The following HAVCR1 variants were observed in gnomAD, a reference collection of about 807,000 sequenced individuals.
HAVCR1 encodes T cell immunoglobin domain and mucin domain protein 1.
In HAVCR1, 34 loss-of-function variants were observed where a neutral mutation model predicts 32.0. The observed-to-expected ratio is 1.06, with a 90% CI of 0.81 to 1.42. The LOEUF (loss-of-function observed/expected upper bound fraction) is 1.42. Among genes scored for constraint, HAVCR1 ranks in the 40% most tolerant of loss-of-function variants. The probability of loss-of-function intolerance (pLI) is 0.00; values close to 1 mark genes in which losing one functional copy is unlikely to be tolerated. For missense variants in HAVCR1, 420 were observed against 442.3 expected (o/e 0.95, Z 0.45); for synonymous variants, 178 against 170.3 (o/e 1.05, Z -0.35).
At chr5:157,030,021 A>G (rs1754080167) in intron 8 of HAVCR1, among the ~76,000 whole-genome samples, 180 bp from the exon 9 acceptor site, 1 of 152,166 alleles carries the variant, frequency 6.6e-6, no homozygotes, top group Non-Finnish European at 1.5e-5. Context: ...TGTGGCTCTT[A>G]TTATTAAGTT....
Position 157,044,435 on chromosome 5 carries a change from G to GA in HAVCR1, c.782-1754dup, listed in dbSNP as rs1182916217. ...AAGGAAGGAAGGAGAAAGAAAGAAAGAAAGAAAGAAAGAAAGAAAGAAAGA... is the reference window on the plus strand; with the variant it reads ...AAGGAAGGAAGGAGAAAGAAAGAAAGAAAAGAAAGAAAGAAAGAAAGAAAGA... On this transcript the variant is annotated intron_variant, in intron 5 of 8. Transcript: ENST00000523175. Among the ~76,000 whole-genome samples, 259 of 28,024 alleles carry GA rather than the reference G, an allele frequency of 9.2e-3. 10 individuals carry two copies. Among genetic ancestry groups the GA allele is most frequent in the East Asian group, 0.027 (33 of 1,214 alleles). The allele number at this position is 28,024 out of a possible 152,430, so 18.4% of individuals were successfully genotyped here.
the HAVCR1 span, among the ~76,000 whole-genome samples, chr5:157,066,921 T>C: frequency 6.6e-6 from 1 of 152,140 alleles, no homozygotes; most frequent in Non-Finnish European, 1.5e-5. Flanking sequence ...ACCCTGTCTC[T>C]ACTAAAAATA....
In HAVCR1 at chr5:157,032,778, A is replaced by G. The variant is rs193271240; in HGVS notation, c.986+76T>C. The G allele has an allele frequency of 5.1e-5, 45 of 884,540 alleles. No individual in the cohort carries two copies. In the African/African-American group the frequency reaches 6.6e-4, roughly 13 times the overall value. 54.8% of individuals were successfully genotyped at this position (884,540 alleles called of 1,614,324 possible). On this transcript the variant is annotated intron_variant, in intron 8 of 8. Coordinates refer to ENST00000523175, the MANE Select transcript of HAVCR1 (RefSeq NM_001173393.3). ...CAAGGTATGCGATGGAGAGTTTAGG[A>G]GAGAGACAGAAATCTATTTTTATTT... is the stretch of plus-strand genomic sequence containing the variant.
At chr5:157,033,309 G>A (rs1361810829) in intron 7 of HAVCR1, among the ~76,000 whole-genome samples, 4 of 152,046 alleles carry the variant, frequency 2.6e-5, no homozygotes, top group Non-Finnish European at 5.9e-5. Context: ...TGTACTACCA[G>A]TCATCTCTCT....
intron 3 of HAVCR1, 98 bp downstream of exon 3, chr5:157,055,103 A>T (rs765543187): frequency 6.4e-5 from 41 of 642,166 alleles, no homozygotes; most frequent in Non-Finnish European, 9.6e-5. Context: ...TAAAAACAGG[A>T]CTTACGGGAA....
chr5:157,048,245 G>T (rs1755524378), intron 5 of HAVCR1, among the ~76,000 whole-genome samples: 1 of 152,140 alleles, frequency 6.6e-6, no homozygotes, highest in Non-Finnish European at 1.5e-5. Flanking sequence ...ACATCAGAGG[G>T]CTGGATTTAA....
In HAVCR1 at chr5:157,058,987, C is replaced by T. The variant is rs1756397470; in HGVS notation, c.-79G>A. 1 of 152,202 alleles carries T rather than the reference C, an allele frequency of 6.6e-6. No homozygotes were observed. The highest frequency in any genetic ancestry group is 2.1e-4 in the South Asian group (1 of 4,824). 9.4% of individuals were successfully genotyped at this position (152,202 alleles called of 1,614,324 possible). On this transcript the variant is annotated 5_prime_UTR_variant, in exon 1 of 9. Transcript: ENST00000523175. ...TGAGAGTTCCTGAGTTCTCTTCAAA[C>T]CTCTATTTCCTCAGTTGTAAAATAG...
At chr5:157,031,007 G>GT (rs1754138814) in intron 8 of HAVCR1, among the ~76,000 whole-genome samples, 1 of 50,742 alleles carries the variant, frequency 2.0e-5, no homozygotes, top group Non-Finnish European at 4.0e-5. Flanking sequence ...TGTTAGTGTG[G>GT]GTTTTTTTTT....
At position 157,044,419 on chromosome 5, in the gene HAVCR1, AGG is replaced by A. The variant is rs60322916; in HGVS notation, c.782-1739_782-1738del. Among the ~76,000 whole-genome samples, 334 of 35,320 alleles carry A rather than the reference AGG, an allele frequency of 9.5e-3. 2 individuals carry two copies. Among genetic ancestry groups the A allele is most frequent in the African/African-American group, 0.016 (85 of 5,236 alleles). 23.2% of individuals were successfully genotyped at this position (35,320 alleles called of 152,430 possible). On this transcript the variant is annotated intron_variant, in intron 5 of 8. Transcript: ENST00000523175. ...AAGGAAGGAAGGAAGGAAGGAAGGA[AGG>A]AGAAAGAAAGAAAGAAAGAAAGAAA...
upstream of HAVCR1, among the ~76,000 whole-genome samples, chr5:157,060,384 G>T (rs373622042): frequency 3.0e-4 from 45 of 152,062 alleles, no homozygotes; most frequent in South Asian, 5.6e-3. Flanking sequence ...CAACCCTAAG[G>T]CCTTTTCCGT....
intron 4 of HAVCR1, among the ~76,000 whole-genome samples, chr5:157,050,227 G>C (rs1001556404): frequency 6.6e-6 from 1 of 152,050 alleles, no homozygotes; most frequent in Non-Finnish European, 1.5e-5. Context: ...GCTCTCTTTC[G>C]GAACGAAAAA....
intron 8 of HAVCR1, among the ~76,000 whole-genome samples, chr5:157,030,042 C>A (rs977153599): frequency 6.6e-6 from 1 of 152,080 alleles, no homozygotes; most frequent in Non-Finnish European, 1.5e-5. Context: ...GAAGAAAAGT[C>A]TGTTTAATAA....
At chr5:157,032,244 C>T (rs781708060) in intron 8 of HAVCR1, among the ~76,000 whole-genome samples, 5 of 152,194 alleles carry the variant, frequency 3.3e-5, no homozygotes, top group Middle Eastern at 3.4e-3. Context: ...AATGGCCGGG[C>T]GCGGTGGCTC....
intron 6 of HAVCR1, among the ~76,000 whole-genome samples, chr5:157,038,183 G>C (rs1475534234): frequency 1.3e-5 from 2 of 152,058 alleles, no homozygotes; most frequent in Admixed American, 6.6e-5. Flanking sequence ...GCTGCACACA[G>C]ACATGGCCAT....
chr5:157,042,229 T>C (rs916164427), intron 6 of HAVCR1, among the ~76,000 whole-genome samples: 1 of 151,832 alleles, frequency 6.6e-6, no homozygotes, highest in East Asian at 1.9e-4. Context: ...GATCATGAGG[T>C]CAGGAGATCG....
At chr5:157,051,393 T>G (rs75182523) in intron 4 of HAVCR1, among the ~76,000 whole-genome samples, 3 of 152,158 alleles carry the variant, frequency 2.0e-5, no homozygotes, top group African/African-American at 7.2e-5. Flanking sequence ...AGTAAAAATG[T>G]TAGATCAGGG....
intron 3 of HAVCR1, among the ~76,000 whole-genome samples, chr5:157,054,980 T>G (rs1057394652): frequency 6.6e-6 from 1 of 152,176 alleles, no homozygotes; most frequent in Admixed American, 6.5e-5. Flanking sequence ...CAAGGAACAA[T>G]TGTACTGCTG....
At chr5:157,031,240 G>A (rs1754152988) in intron 8 of HAVCR1, among the ~76,000 whole-genome samples, 1 of 152,188 alleles carries the variant, frequency 6.6e-6, no homozygotes, top group Non-Finnish European at 1.5e-5. Flanking sequence ...TGTGTATTGA[G>A]CACTTACAGT....
At chr5:157,063,532 G>A (rs374877948), upstream of HAVCR1, among the ~76,000 whole-genome samples, 13 of 151,800 alleles carry the variant, frequency 8.6e-5, no homozygotes, top group African/African-American at 1.9e-4. Context: ...TGATCTGCCC[G>A]CCTTGGCCTC....
Sources: allele counts gnomAD v4.1 joint callset (sites outside exome capture counted in the v4.1 genomes callset), GRCh38; gene constraint gnomAD v4.1.1; transcripts MANE v1.5; gene names NCBI Gene and HGNC (gene_info 2026-07-23, HGNC 2026-07-21).